The following ATP8B1 variants were observed in gnomAD, a reference collection of about 807,000 sequenced individuals.
The protein encoded by ATP8B1 is phospholipid-transporting ATPase IC.
Under a neutral mutation model 149.9 loss-of-function variants are expected in ATP8B1, and 80 were observed. That is an observed-to-expected ratio of 0.53 (90% CI 0.45 to 0.64). The LOEUF (loss-of-function observed/expected upper bound fraction) is 0.64, where lower values mean the gene tolerates loss of function less well. Ranked by LOEUF, ATP8B1 falls within the 30% of genes least tolerant of loss-of-function variation. ATP8B1 has a pLI of 0.00. For synonymous variants in ATP8B1, 536 were observed against 562.8 expected, an observed-to-expected ratio of 0.95 and a Z score of 0.67; for missense variants, 1,247 against 1,552.6, an observed-to-expected ratio of 0.80 and a Z score of 3.31.
At chr18:57,677,574 T>C (rs1221653463) in intron 15 of ATP8B1, among the ~76,000 whole-genome samples, 7 of 152,192 alleles carry the variant, frequency 4.6e-5, no homozygotes, top group African/African-American at 1.7e-4. Context: ...CCTTCACAAT[T>C]GGCTCAGAGG....
At chr18:57,665,097 C>G (rs139978573) in intron 20 of ATP8B1, among the ~76,000 whole-genome samples, 1 of 151,422 alleles carries the variant, frequency 6.6e-6, no homozygotes, top group Non-Finnish European at 1.5e-5. Context: ...CCAAAGGGTC[C>G]CTGGAAGGCA....
intron 20 of ATP8B1, among the ~76,000 whole-genome samples, chr18:57,663,097 C>T (rs907784847): frequency 6.6e-6 from 1 of 152,158 alleles, no homozygotes; most frequent in Non-Finnish European, 1.5e-5. Flanking sequence ...TCACCTCACT[C>T]GCCCTCCAGT....
Position 57,784,261 on chromosome 18 carries a change from G to A in ATP8B1, c.-26+18737C>T, listed in dbSNP as rs552267638. Among the ~76,000 whole-genome samples the A allele has an allele frequency of 2.0e-5, 3 of 152,324 alleles. No individual in the cohort carries two copies. The highest frequency in any genetic ancestry group is 4.1e-4 in the South Asian group (2 of 4,830). On this transcript the variant is annotated intron_variant, in intron 1 of 27. Coordinates refer to ENST00000648908, the MANE Select transcript of ATP8B1 (RefSeq NM_001374385.1). The surrounding 1 kb of genome is among the most constrained non-coding windows in gnomAD (Gnocchi z 4.4). ...CAGGGCGGGCTGGGCATAGAGAGCT[G>A]TGGAGAGAAGGTAGCTGTTGTTAAA...
At chr18:57,703,325 T>G (rs1324076338) in intron 4 of ATP8B1, among the ~76,000 whole-genome samples, 1 of 152,032 alleles carries the variant, frequency 6.6e-6, no homozygotes, top group South Asian at 2.1e-4. Flanking sequence ...ATCCCAGCAC[T>G]TGGGGAGGCT....
chr18:57,650,222 T>G, intron 27 of ATP8B1, 145 bp downstream of exon 27: 5 of 1,045,780 alleles, frequency 4.8e-6, no homozygotes, highest in Non-Finnish European at 7.0e-6. Context: ...GACTTATTTG[T>G]GAGATAGAGT....
chr18:57,666,623 C>T (rs559853294), intron 20 of ATP8B1, among the ~76,000 whole-genome samples: 70 of 151,770 alleles, frequency 4.6e-4, no homozygotes, highest in African/African-American at 1.7e-3. Flanking sequence ...GCAACCTCTG[C>T]CTCCTGGGTT....
intron 6 of ATP8B1, among the ~76,000 whole-genome samples, chr18:57,700,053 A>C (rs1913044051): frequency 6.6e-6 from 1 of 152,224 alleles, no homozygotes; most frequent in South Asian, 2.1e-4. Flanking sequence ...GGAACATCGG[A>C]TAGAAGAATC....
intron 12 of ATP8B1, chr18:57,688,799 C>T: frequency 2.3e-6 from 1 of 425,698 alleles, no homozygotes; most frequent in Non-Finnish European, 4.4e-6. Context: ...CATGCGAGGA[C>T]ATAGCTAGAA....
chr18:57,745,878 C>G (rs1041011774), intron 1 of ATP8B1, among the ~76,000 whole-genome samples: 6 of 152,050 alleles, frequency 3.9e-5, no homozygotes, highest in Non-Finnish European at 8.8e-5. Context: ...CCAGGCTGAT[C>G]CCAAACTCCT....
At chr18:57,751,036 T>C (rs2080012347) in intron 1 of ATP8B1, among the ~76,000 whole-genome samples, 1 of 152,074 alleles carries the variant, frequency 6.6e-6, no homozygotes, top group Admixed American at 6.6e-5. Flanking sequence ...GGCACAAGAA[T>C]TGCTTGAGCC....
intron 1 of ATP8B1, among the ~76,000 whole-genome samples, chr18:57,777,092 C>G (rs1391222552): frequency 6.6e-6 from 1 of 152,076 alleles, no homozygotes; most frequent in East Asian, 1.9e-4. Flanking sequence ...TTCCTCCCAC[C>G]TCAGCCTCCC....
At chr18:57,798,774 G>A (rs553491363) in intron 1 of ATP8B1, among the ~76,000 whole-genome samples, 27 of 152,222 alleles carry the variant, frequency 1.8e-4, no homozygotes, top group African/African-American at 6.0e-4. Flanking sequence ...TCTCCTGCAA[G>A]GTTAAGAGGC....
intron 6 of ATP8B1, among the ~76,000 whole-genome samples, chr18:57,698,105 G>GAGTTTA (rs1912916505): frequency 6.6e-6 from 1 of 152,094 alleles, no homozygotes; most frequent in African/African-American, 2.4e-5. Flanking sequence ...ATGTAAGGAA[G>GAGTTTA]AGTTTATGGG....
At chr18:57,721,359 G>A (rs1364614860) in intron 2 of ATP8B1, among the ~76,000 whole-genome samples, 9 of 145,878 alleles carry the variant, frequency 6.2e-5, no homozygotes, top group South Asian at 2.3e-4. Flanking sequence ...CCCATCTCAC[G>A]TGCAGAGACA....
chr18:57,777,294 T>C lies in ATP8B1; in HGVS notation c.-26+25704A>G, dbSNP rs79367992. Among the ~76,000 whole-genome samples, 793 of 152,282 alleles carry C rather than the reference T, an allele frequency of 5.2e-3. 7 individuals carry two copies. The highest frequency in any genetic ancestry group is 0.018 in the African/African-American group (751 of 41,548). The stretch of plus-strand genomic sequence containing the variant: ...TGCCTAGCCAGGCTAATTTCTTATC[T>C]ATTGAAAGCTGGAATCCAATGCAGG... On this transcript the variant is annotated intron_variant, in intron 1 of 27. Coordinates refer to ENST00000648908, the MANE Select transcript of ATP8B1 (RefSeq NM_001374385.1).
chr18:57,655,523 T>G, intron 22 of ATP8B1, 106 bp from the exon 23 acceptor site: 1 of 992,478 alleles, frequency 1.0e-6, no homozygotes, highest in East Asian at 2.5e-5. Context: ...AGACAGACAT[T>G]GATGGAACAA....
intron 1 of ATP8B1, among the ~76,000 whole-genome samples, chr18:57,744,917 G>C (rs1292057733): frequency 2.0e-5 from 3 of 152,164 alleles, no homozygotes; most frequent in Non-Finnish European, 4.4e-5. Flanking sequence ...GACTCACTAG[G>C]AATGGCTTAT....
chr18:57,666,975 C>T, intron 20 of ATP8B1, 117 bp downstream of exon 20: 1 of 899,094 alleles, frequency 1.1e-6, no homozygotes, highest in Non-Finnish European at 1.8e-6. Context: ...CATGAGGAAA[C>T]TGCCCCAAGT....
At chr18:57,741,372 T>C (rs2079912400) in intron 1 of ATP8B1, among the ~76,000 whole-genome samples, 1 of 152,204 alleles carries the variant, frequency 6.6e-6, no homozygotes, top group Admixed American at 6.5e-5. Flanking sequence ...AGCTGCCCTA[T>C]GGAGAGGCTC....
Sources: allele counts gnomAD v4.1 joint callset (sites outside exome capture counted in the v4.1 genomes callset), GRCh38; gene constraint gnomAD v4.1.1; non-coding constraint Gnocchi (gnomAD v3.1); transcripts MANE v1.5; gene names NCBI Gene and HGNC (gene_info 2026-07-23, HGNC 2026-07-21).